Variants in SFMBT1 observed in about 807,000 individuals in gnomAD.
SFMBT1 encodes the protein Scm like with four mbt domains 1, also known as scm-like with four MBT domains protein 1.
A neutral mutation model predicts 108.7 loss-of-function variants in SFMBT1; 32 were observed. The observed-to-expected ratio is 0.29, with a 90% CI of 0.22 to 0.40. The LOEUF (loss-of-function observed/expected upper bound fraction) is 0.40, where lower values mean the gene tolerates loss of function less well. Ranked by LOEUF, SFMBT1 falls within the 10% of genes least tolerant of loss-of-function variation. The pLI is 1.00. For missense variants in SFMBT1, 816 were observed against 1,059.6 expected (o/e 0.77, Z 3.19); for synonymous variants, 348 against 369.5 (o/e 0.94, Z 0.67).
chr3:52,928,448 A>T, intron 8 of SFMBT1, 107 bp from the exon 9 acceptor site: 6 of 1,128,094 alleles, frequency 5.3e-6, no homozygotes, highest in Non-Finnish European at 7.5e-6. Context: ...TGTGGGTATT[A>T]ATAATACTAA....
chr3:53,035,141 T>A (rs1434350359), intron 1 of SFMBT1, among the ~76,000 whole-genome samples: 1 of 152,168 alleles, frequency 6.6e-6, no homozygotes, highest in Admixed American at 6.5e-5. Context: ...ACAAATGGAC[T>A]GGGCCTGAGT....
chr3:52,997,896 G>C (rs11708675), intron 1 of SFMBT1, among the ~76,000 whole-genome samples: 45,649 of 150,158 alleles, frequency 0.3, 9,704 homozygotes, highest in East Asian at 0.51. Flanking sequence ...TAAAAAAAGA[G>C]AGAAGATAAC....
chr3:52,946,740 T>C (rs1042113628), intron 3 of SFMBT1, among the ~76,000 whole-genome samples: 1 of 151,504 alleles, frequency 6.6e-6, no homozygotes, highest in Non-Finnish European at 1.5e-5. Context: ...CAATTTAGTT[T>C]CCCAATAGCA....
At chr3:52,916,094 A>G (rs1183927488) in intron 14 of SFMBT1, 56 bp downstream of exon 14, 7 of 1,421,638 alleles carry the variant, frequency 4.9e-6, no homozygotes, top group Non-Finnish European at 6.0e-6. Context: ...ATTTTCAGAT[A>G]TAGTCCATTA....
Position 53,013,731 on chromosome 3 carries a change from C to T in SFMBT1, c.-131+32085G>A, listed in dbSNP as rs551614655. Among the ~76,000 whole-genome samples, 18 of 137,480 alleles carry T rather than the reference C, an allele frequency of 1.3e-4. 1 individual carries two copies. Among genetic ancestry groups the T allele is most frequent in the Admixed American group, 3.3e-4 (4 of 12,290 alleles). 90.2% of individuals were successfully genotyped at this position (137,480 alleles called of 152,430 possible). On this transcript the variant is annotated intron_variant, in intron 1 of 20. Transcript: ENST00000394752. ...GCAACCTCCGCCTCCTGGGTTCAAG[C>T]GATTCTCCTGTCTCAGCCTCCCAAG...
At chr3:52,965,993 AAG>A (rs1704124755) in intron 2 of SFMBT1, among the ~76,000 whole-genome samples, 1 of 113,506 alleles carries the variant, frequency 8.8e-6, no homozygotes. Context: ...GCGACAGAGC[AAG>A]ACTCCGTTTC....
At chr3:52,938,055 T>A (rs1703070444) in intron 4 of SFMBT1, among the ~76,000 whole-genome samples, 1 of 152,202 alleles carries the variant, frequency 6.6e-6, no homozygotes, top group Non-Finnish European at 1.5e-5. Context: ...TTTATTGCTG[T>A]CTATAGCTGC....
chr3:52,910,088 T>G (rs1220485866), intron 17 of SFMBT1, among the ~76,000 whole-genome samples: 1 of 152,042 alleles, frequency 6.6e-6, no homozygotes, highest in East Asian at 1.9e-4. Flanking sequence ...CCTGACCCCT[T>G]GCATAAACAG....
chr3:52,965,359 T>A (rs1318052018), intron 2 of SFMBT1, among the ~76,000 whole-genome samples: 5 of 149,814 alleles, frequency 3.3e-5, no homozygotes, highest in Non-Finnish European at 7.4e-5. Flanking sequence ...GAGGGACCTG[T>A]GGGACAATAA....
chr3:52,920,635 A>G lies in SFMBT1; in HGVS notation c.1274T>C (p.Ile425Thr). The change falls in exon 12 of 21, where the codon ATA becomes ACA. Residue 425 changes from isoleucine to threonine, a missense_variant. By Grantham distance (89) the Ile-to-Thr change is moderately conservative (BLOSUM62 -1). Transcript: ENST00000394752. ...WLQLEGSKKP[I>T]PECIVSVESM... ...TTCCACACTCACAATACATTCAGGT[A>G]TAGGCTTCTTAGAACCTGTTTAGAT... 2 of 1,610,636 alleles carry G rather than the reference A, an allele frequency of 1.2e-6. No individual in the cohort carries two copies. Among genetic ancestry groups the G allele is most frequent in the South Asian group, 2.2e-5 (2 of 90,834 alleles).
At position 52,928,505 on chromosome 3, in the gene SFMBT1, T is replaced by C. The variant is rs1702728955; in HGVS notation, c.898-164A>G. On this transcript the variant is annotated intron_variant, in intron 8 of 20. Coordinates refer to ENST00000394752, the MANE Select transcript of SFMBT1 (RefSeq NM_016329.4). The stretch of plus-strand genomic sequence containing the variant: ...TTATGTAATACATATAATTACTGTT[T>C]TAATTAAATGCTTTTCATGTATCAA... The C allele has an allele frequency of 1.2e-5, 8 of 659,056 alleles. No homozygotes were observed. In the South Asian group the frequency reaches 1.7e-4, roughly 14 times the overall value. The allele number at this position is 659,056 out of a possible 1,614,324, so 40.8% of individuals were successfully genotyped here.
chr3:52,979,244 GAGAA>G (rs1704623918), intron 1 of SFMBT1, among the ~76,000 whole-genome samples: 1 of 152,004 alleles, frequency 6.6e-6, no homozygotes, highest in South Asian at 2.1e-4. Context: ...GCAACAGAAG[GAGAA>G]AGAAAATAAT....
At chr3:52,973,938 C>G (rs1704432192) in intron 1 of SFMBT1, among the ~76,000 whole-genome samples, 1 of 152,152 alleles carries the variant, frequency 6.6e-6, no homozygotes, top group South Asian at 2.1e-4. Context: ...AGTAACCTGG[C>G]TTCATGTTAA....
At chr3:53,007,355 TATA>T (rs1698783510) in intron 1 of SFMBT1, among the ~76,000 whole-genome samples, 2 of 152,258 alleles carry the variant, frequency 1.3e-5, no homozygotes, top group African/African-American at 2.4e-5. Context: ...CTCTAAGTGA[TATA>T]TTAGACTAAG....
rs1401701848 is a variant in SFMBT1, at chr3:52,969,203, T to C, written c.-75A>G. On this transcript the variant is annotated 5_prime_UTR_variant, in exon 2 of 21. It removes the in-frame stop codon of an upstream open reading frame in the 5' UTR. Coordinates refer to ENST00000394752, the MANE Select transcript of SFMBT1 (RefSeq NM_016329.4). ...TATGGTTCTGCTAGGATCTGAAGAT[T>C]ACTTGCAGGTTTCAAGCATCTGTTC... 1.3e-6 allele frequency: 2 copies of C among 1,595,864 alleles called. No individual in the cohort carries two copies. The highest frequency in any genetic ancestry group is 4.5e-5 in the East Asian group (2 of 44,768).
intron 12 of SFMBT1, 59 bp downstream of exon 12, chr3:52,920,475 GGCA>G (rs1702486183): frequency 8.2e-7 from 1 of 1,212,858 alleles, no homozygotes; most frequent in African/African-American, 1.5e-5. Flanking sequence ...AGTTTTAATT[GGCA>G]GCAGCCACAC....
chr3:52,947,788 G>A (rs1016514776), intron 3 of SFMBT1, among the ~76,000 whole-genome samples: 1 of 150,948 alleles, frequency 6.6e-6, no homozygotes, highest in African/African-American at 2.4e-5. Context: ...AGGCTGGAGT[G>A]CAGTGGCGCG....
At chr3:52,920,439 T>A (rs1702484812) in intron 12 of SFMBT1, 98 bp downstream of exon 12, 2 of 833,498 alleles carry the variant, frequency 2.4e-6, no homozygotes, top group East Asian at 5.4e-5. Context: ...CAGAATGTCA[T>A]TTTTTTTCTC....
chr3:52,982,764 G>T (rs944730417), intron 1 of SFMBT1, among the ~76,000 whole-genome samples: 8 of 128,620 alleles, frequency 6.2e-5, no homozygotes, highest in Non-Finnish European at 9.7e-5. Flanking sequence ...GATATAGATC[G>T]TGGAGAAATT....
Sources: gnomAD v4.1 joint callset for allele counts (sites outside exome capture counted in the v4.1 genomes callset) on GRCh38, gnomAD v4.1.1 for gene constraint, MANE v1.5 for transcripts, NCBI Gene and HGNC (gene_info 2026-07-23, HGNC 2026-07-21) for gene names.